Variants in ZSWIM3 observed in about 807,000 individuals in gnomAD.
ZSWIM3 encodes zinc finger SWIM-type containing 3.
A neutral mutation model predicts 47.5 loss-of-function variants in ZSWIM3; 27 were observed. The observed-to-expected ratio is 0.57, with a 90% CI of 0.42 to 0.78. The LOEUF (loss-of-function observed/expected upper bound fraction) is 0.78, where lower values mean the gene tolerates loss of function less well. Ranked by LOEUF, ZSWIM3 falls within the 30% of genes least tolerant of loss-of-function variation. The pLI, the probability that ZSWIM3 is intolerant of heterozygous loss-of-function variation, is 0.00. For synonymous variants in ZSWIM3, 333 were observed against 333.9 expected (o/e 1.00, Z 0.03); for missense variants, 689 against 861.3 (o/e 0.80, Z 2.50).
At chr20:45,876,296 C>T (rs561350271) in intron 1 of ZSWIM3, among the ~76,000 whole-genome samples, 2 of 151,602 alleles carry the variant, frequency 1.3e-5, no homozygotes, top group Admixed American at 6.6e-5. Flanking sequence ...CCGCCCATCT[C>T]GGTCTCCCAA....
chr20:45,873,294 G>A (rs547516980), intron 1 of ZSWIM3, among the ~76,000 whole-genome samples: 68 of 152,210 alleles, frequency 4.5e-4, no homozygotes, highest in African/African-American at 1.6e-3. Context: ...CCAGCTACTC[G>A]GGAGGCTGAC....
At chr20:45,872,713 GC>G (rs1331726888) in intron 1 of ZSWIM3, 2 of 1,288,480 alleles carry the variant, frequency 1.6e-6, no homozygotes, top group Admixed American at 4.6e-5. Context: ...GGAGAGACAA[GC>G]GGAGACCACA....
At chr20:45,872,864 A>T (rs1402684870) in intron 1 of ZSWIM3, 1 of 1,235,838 alleles carries the variant, frequency 8.1e-7, no homozygotes. Context: ...CCAGCCTGTT[A>T]CTGTGAGACT....
intron 1 of ZSWIM3, among the ~76,000 whole-genome samples, chr20:45,862,016 G>A (rs1035039594): frequency 3.3e-5 from 5 of 151,940 alleles, no homozygotes; most frequent in South Asian, 4.2e-4. Context: ...GCGACACAGC[G>A]AGACTCTGTC....
intron 1 of ZSWIM3, among the ~76,000 whole-genome samples, chr20:45,871,864 G>A (rs200618054): frequency 3.0e-3 from 396 of 131,514 alleles, no homozygotes; most frequent in Middle Eastern, 3.7e-3. Flanking sequence ...CTGTCTCAAA[G>A]AAAAAAAAAA....
In ZSWIM3 at chr20:45,866,008, AG is replaced by A. The variant is rs869180057; in HGVS notation, c.155+8029del. 6.7e-5 allele frequency among the ~76,000 whole-genome samples: 10 copies of A among 149,138 alleles called. 1 individual carries two copies. Among genetic ancestry groups the A allele is most frequent in the South Asian group, 2.1e-4 (1 of 4,682 alleles). The stretch of plus-strand genomic sequence containing the variant: ...ACTCTGTCTCAAAAAAAAAAAAAAA[AG>A]AAAAAGAAAAAAAAAATTCAGGCTA... On this transcript the variant is annotated intron_variant, in intron 1 of 1. Transcript: ENST00000255152.
intron 1 of ZSWIM3, among the ~76,000 whole-genome samples, chr20:45,869,479 A>T (rs1985918673): frequency 6.6e-6 from 1 of 151,888 alleles, no homozygotes; most frequent in Non-Finnish European, 1.5e-5. Context: ...AGATCATGCC[A>T]CGGCACTCCA....
chr20:45,863,393 G>A (rs1031099866), intron 1 of ZSWIM3, among the ~76,000 whole-genome samples: 2 of 152,146 alleles, frequency 1.3e-5, no homozygotes, highest in Non-Finnish European at 2.9e-5. Flanking sequence ...GAGGGGTGAT[G>A]GTGACACTTA....
chr20:45,865,140 G>A lies in ZSWIM3; in HGVS notation c.155+7160G>A, dbSNP rs572175543. On this transcript the variant is annotated intron_variant, in intron 1 of 1. Coordinates refer to ENST00000255152, the MANE Select transcript of ZSWIM3 (RefSeq NM_080752.4). ...TCAAGACCAGCCTGGCCAACATGGC[G>A]AAACCCCATCTCTACTAAAAATACA... Among the ~76,000 whole-genome samples the A allele has an allele frequency of 4.6e-5, 7 of 152,146 alleles. No individual in the cohort carries two copies. In the South Asian group the frequency reaches 6.2e-4, roughly 14 times the overall value.
At chr20:45,859,994 C>T (rs768289054) in intron 1 of ZSWIM3, among the ~76,000 whole-genome samples, 7 of 151,932 alleles carry the variant, frequency 4.6e-5, no homozygotes, top group Non-Finnish European at 8.8e-5. Context: ...GAGCTAGAGA[C>T]GTAAGAGTGA....
At chr20:45,870,147 G>C (rs1036794545) in intron 1 of ZSWIM3, among the ~76,000 whole-genome samples, 1 of 151,380 alleles carries the variant, frequency 6.6e-6, no homozygotes, top group African/African-American at 2.4e-5. Context: ...TTTGAGACCA[G>C]CCTGACCAAC....
intron 1 of ZSWIM3, among the ~76,000 whole-genome samples, chr20:45,861,280 G>A (rs112086150): frequency 0.014 from 2,093 of 152,276 alleles, 55 homozygotes; most frequent in African/African-American, 0.048. Flanking sequence ...GCCAGGCATA[G>A]TGGTGTGTGC....
intron 1 of ZSWIM3, among the ~76,000 whole-genome samples, chr20:45,876,204 G>C (rs756610383): frequency 6.6e-6 from 1 of 151,908 alleles, no homozygotes; most frequent in Non-Finnish European, 1.5e-5. Flanking sequence ...TACCATGCCC[G>C]GCTAATTTTG....
Position 45,877,233 on chromosome 20 carries a change from G to T in ZSWIM3, c.675G>T (p.Arg225=), listed in dbSNP as rs1351814222. 8 of 1,614,064 alleles carry T rather than the reference G, an allele frequency of 5.0e-6. No homozygotes were observed. The highest frequency in any genetic ancestry group is 6.8e-6 in the Non-Finnish European group (8 of 1,180,008). ...TCCCAGAGAATCTCTTGCTACACCG[G>T]GTGGAGAACACCCAGGGCCACATCC... The part of the protein sequence containing the change: ...IRFPENLLLH[R]VENTQGHILY... Residue 225 remains arginine, a synonymous_variant, in exon 2 of 2, where the codon CGG becomes CGT. Transcript: ENST00000255152.
At chr20:45,872,923 C>T in intron 1 of ZSWIM3, 1 of 1,162,308 alleles carries the variant, frequency 8.6e-7, no homozygotes, top group Non-Finnish European at 1.1e-6. Flanking sequence ...GCAAACTGGA[C>T]CAGCTGGATT....
At chr20:45,876,671 G>C in intron 1 of ZSWIM3, 43 bp from the exon 2 acceptor site, 1 of 1,575,502 alleles carries the variant, frequency 6.3e-7, no homozygotes, top group Non-Finnish European at 8.6e-7. Flanking sequence ...AAGGGGTGGG[G>C]GGTGGTCAGC....
At chr20:45,864,691 A>C (rs746796620) in intron 1 of ZSWIM3, among the ~76,000 whole-genome samples, 1 of 150,548 alleles carries the variant, frequency 6.6e-6, no homozygotes, top group South Asian at 2.1e-4. Context: ...GGTGAAACCA[A>C]CTCTACTAAA....
Position 45,877,079 on chromosome 20 carries a change from T to C in ZSWIM3, c.521T>C (p.Ile174Thr), listed in dbSNP as rs761807186. The change falls in exon 2 of 2, where the codon ATA (isoleucine) becomes ACA (threonine). Residue 174 changes from isoleucine (I) to threonine (T), a missense_variant. Ile to Thr is a moderately conservative substitution (Grantham distance 89). Coordinates refer to ENST00000255152, the MANE Select transcript of ZSWIM3 (RefSeq NM_080752.4). ...EGITPSDLAK[I>T]AKVMKNFLKV... ...ATCACTCCTTCTGACCTGGCCAAGATAGCAAAAGTGATGAAGAACTTTCTT... is the reference window on the plus strand; with the variant it reads ...ATCACTCCTTCTGACCTGGCCAAGACAGCAAAAGTGATGAAGAACTTTCTT... The C allele has an allele frequency of 3.1e-6, 5 of 1,614,042 alleles. No homozygotes were observed. The African/African-American group carries it at 4.0e-5, about 13-fold the overall frequency.
intron 1 of ZSWIM3, among the ~76,000 whole-genome samples, chr20:45,862,149 G>A (rs1397530080): frequency 6.7e-6 from 1 of 149,170 alleles, no homozygotes; most frequent in African/African-American, 2.5e-5. Flanking sequence ...GGTTTTTTTT[G>A]GTTTTTTTTT....
Sources: gnomAD v4.1 joint callset for allele counts (sites outside exome capture counted in the v4.1 genomes callset) on GRCh38, gnomAD v4.1.1 for gene constraint, MANE v1.5 for transcripts, NCBI Gene and HGNC (gene_info 2026-07-23, HGNC 2026-07-21) for gene names.